The following CDH12 variants were observed in gnomAD, a reference collection of about 807,000 sequenced individuals.
CDH12 encodes cadherin 12.
In CDH12, 41 loss-of-function variants were observed where a neutral mutation model predicts 74.1. That is an observed-to-expected ratio of 0.55 (90% confidence interval 0.43 to 0.72). The LOEUF (loss-of-function observed/expected upper bound fraction) is 0.72. CDH12 is among the 30% of genes least tolerant of loss of function. CDH12 has a pLI of 0.00. For synonymous variants in CDH12, 399 were observed against 355.0 expected (o/e 1.12, Z -1.39); for missense variants, 945 against 977.2 (o/e 0.97, Z 0.44).
At chr5:22,155,118 C>T (rs1271360498) in intron 4 of CDH12, among the ~76,000 whole-genome samples, 1 of 152,172 alleles carries the variant, frequency 6.6e-6, no homozygotes. Context: ...CCATATCACA[C>T]CTCAGATTTC....
intron 3 of CDH12, among the ~76,000 whole-genome samples, chr5:22,321,667 G>T (rs1220033695): frequency 6.6e-6 from 1 of 151,754 alleles, no homozygotes; most frequent in African/African-American, 2.4e-5. Context: ...TTAAAAAAAA[G>T]AAAGGCATCA....
At chr5:22,405,071 G>T (rs1013765415) in intron 3 of CDH12, among the ~76,000 whole-genome samples, 186 bp downstream of exon 3, 19 of 152,010 alleles carry the variant, frequency 1.2e-4, no homozygotes, top group Admixed American at 1.2e-3. Flanking sequence ...TTAGCCAGGC[G>T]TGGTGGTGGG....
intron 6 of CDH12, among the ~76,000 whole-genome samples, chr5:21,968,446 C>T (rs990240271): frequency 5.9e-5 from 9 of 152,166 alleles, no homozygotes; most frequent in African/African-American, 2.2e-4. Context: ...GTTCAACATC[C>T]AAGTACTATT....
At chr5:22,270,239 C>T (rs767516431) in intron 3 of CDH12, among the ~76,000 whole-genome samples, 42 of 152,128 alleles carry the variant, frequency 2.8e-4, no homozygotes, top group Non-Finnish European at 4.1e-4. Context: ...ACATCTATTG[C>T]TATTACTAAA....
chr5:22,110,389 G>A, intron 4 of CDH12, among the ~76,000 whole-genome samples: 1 of 151,974 alleles, frequency 6.6e-6, no homozygotes, highest in East Asian at 1.9e-4. Context: ...GGCCAGGTAC[G>A]CTACATGGGA....
intron 3 of CDH12, among the ~76,000 whole-genome samples, chr5:22,216,260 TCTGAG>T (rs1228284806): frequency 3.9e-5 from 6 of 152,060 alleles, no homozygotes; most frequent in African/African-American, 1.4e-4. Context: ...AAAAAATTAC[TCTGAG>T]CTGACAGGGA....
intron 1 of CDH12, among the ~76,000 whole-genome samples, chr5:22,743,087 A>G (rs1745108936): frequency 6.6e-6 from 1 of 151,510 alleles, no homozygotes; most frequent in Non-Finnish European, 1.5e-5. Context: ...AGCTCTTTCC[A>G]GTACTTCAGC....
intron 2 of CDH12, among the ~76,000 whole-genome samples, chr5:22,407,995 C>G (rs1703314): frequency 6.6e-6 from 1 of 151,948 alleles, no homozygotes; most frequent in Non-Finnish European, 1.5e-5. Flanking sequence ...TGGGATGGTA[C>G]ATAGTAAGTT....
At chr5:22,552,510 C>T (rs1185290870) in intron 1 of CDH12, among the ~76,000 whole-genome samples, 2 of 151,692 alleles carry the variant, frequency 1.3e-5, no homozygotes, top group Non-Finnish European at 2.9e-5. Flanking sequence ...CTCACAGCAA[C>T]CTCTGCCTCC....
At chr5:22,796,466 G>T (rs1274890481) in intron 1 of CDH12, among the ~76,000 whole-genome samples, 2 of 149,530 alleles carry the variant, frequency 1.3e-5, no homozygotes, top group African/African-American at 4.9e-5. Flanking sequence ...TATTCCTGTT[G>T]GCCATTTATA....
chr5:21,987,534 A>T (rs947685289), intron 5 of CDH12, among the ~76,000 whole-genome samples: 1 of 152,156 alleles, frequency 6.6e-6, no homozygotes, highest in African/African-American at 2.4e-5. Context: ...AATTGCAACT[A>T]TTTGGCTTTC....
At chr5:22,112,807 C>T (rs571297171) in intron 4 of CDH12, among the ~76,000 whole-genome samples, 2 of 152,194 alleles carry the variant, frequency 1.3e-5, no homozygotes, top group South Asian at 4.1e-4. Flanking sequence ...AACCTCCTGG[C>T]TATATGACTT....
chr5:22,626,177 G>T (rs2126849226), intron 1 of CDH12, among the ~76,000 whole-genome samples: 2 of 152,224 alleles, frequency 1.3e-5, no homozygotes, highest in Admixed American at 1.3e-4. Context: ...CACCATTGTT[G>T]CAGGCATAAG....
At chr5:22,077,079 C>A in intron 5 of CDH12, among the ~76,000 whole-genome samples, 1 of 135,354 alleles carries the variant, frequency 7.4e-6, no homozygotes, top group African/African-American at 2.8e-5. Context: ...TGTGTGTGTG[C>A]GCGTGTGTAT....
chr5:21,761,738 TAGATATAG>T (rs1744731095), intron 12 of CDH12, among the ~76,000 whole-genome samples: 1 of 107,844 alleles, frequency 9.3e-6, no homozygotes, highest in Non-Finnish European at 2.0e-5. Flanking sequence ...GATGGATGGA[TAGATATAG>T]ATAGATAGAT....
At chr5:22,636,836 A>G (rs539870061) in intron 1 of CDH12, among the ~76,000 whole-genome samples, 137 of 152,330 alleles carry the variant, frequency 9.0e-4, no homozygotes, top group African/African-American at 3.2e-3. Flanking sequence ...TTATATCTCA[A>G]TAAAATGTCT....
intron 3 of CDH12, among the ~76,000 whole-genome samples, chr5:22,283,130 C>T (rs1229078493): frequency 6.7e-6 from 1 of 149,588 alleles, no homozygotes; most frequent in African/African-American, 2.5e-5. Context: ...AATATTTGTC[C>T]ATCTTCTAGA....
At chr5:22,742,091 A>T (rs1745055073) in intron 1 of CDH12, among the ~76,000 whole-genome samples, 1 of 152,034 alleles carries the variant, frequency 6.6e-6, no homozygotes, top group African/African-American at 2.4e-5. Context: ...CTGAGGCAGG[A>T]GAATCACTTG....
At chr5:22,555,584 T>C (rs779965033) in intron 1 of CDH12, among the ~76,000 whole-genome samples, 12 of 151,966 alleles carry the variant, frequency 7.9e-5, no homozygotes, top group Non-Finnish European at 1.3e-4. Context: ...ATTTTAAATA[T>C]AAAATAATTA....
Sources: allele counts gnomAD v4.1 joint callset (sites outside exome capture counted in the v4.1 genomes callset), GRCh38; gene constraint gnomAD v4.1.1; transcripts MANE v1.5; gene names NCBI Gene and HGNC (gene_info 2026-07-23, HGNC 2026-07-21).